Variants in ANK2 observed in about 807,000 individuals in gnomAD.
The protein encoded by ANK2 is ankyrin-2.
In ANK2, 83 loss-of-function variants were observed where a neutral mutation model predicts 360.5. The ratio of observed to expected loss-of-function variants is 0.23; its 90% CI spans 0.19 to 0.28. ANK2 has a LOEUF of 0.28. ANK2 is among the 10% of genes least tolerant of loss of function. ANK2 has a pLI of 1.00. For synonymous variants in ANK2, 1,740 were observed against 1,759.5 expected, an observed-to-expected ratio of 0.99 and a Z score of 0.28; for missense variants, 4,201 against 4,795.7, an observed-to-expected ratio of 0.88 and a Z score of 3.66.
intron 1 of ANK2, among the ~76,000 whole-genome samples, chr4:113,163,737 C>T (rs1583498088): frequency 1.6e-5 from 2 of 122,576 alleles, no homozygotes; most frequent in Admixed American, 1.0e-4. Flanking sequence ...GCACTCCAGC[C>T]TGGGCAACAA....
At chr4:113,233,579 T>C (rs1484075844) in intron 5 of ANK2, among the ~76,000 whole-genome samples, 1 of 152,198 alleles carries the variant, frequency 6.6e-6, no homozygotes, top group Non-Finnish European at 1.5e-5. Flanking sequence ...TCTGGACAAT[T>C]AAGTCTTGAG....
intron 1 of ANK2, among the ~76,000 whole-genome samples, chr4:113,156,237 CT>C (rs1562478899): frequency 1.3e-5 from 2 of 151,904 alleles, no homozygotes; most frequent in Non-Finnish European, 2.9e-5. Context: ...TATAAAATAC[CT>C]TTTTAAACTT....
chr4:113,105,033 G>A (rs1435081217), intron 1 of ANK2, among the ~76,000 whole-genome samples: 2 of 152,044 alleles, frequency 1.3e-5, no homozygotes, highest in Non-Finnish European at 2.9e-5. Flanking sequence ...ATCAGATTGA[G>A]AGGCTAATGT....
intron 24 of ANK2, among the ~76,000 whole-genome samples, chr4:113,315,844 C>T (rs967209571): frequency 6.8e-6 from 1 of 147,108 alleles, no homozygotes; most frequent in Non-Finnish European, 1.5e-5. Flanking sequence ...TTGCACTGAG[C>T]CACGATCGCG....
intron 1 of ANK2, among the ~76,000 whole-genome samples, chr4:113,088,131 A>ATCTATCCAGTGTCCC (rs1231303809): frequency 1.2e-4 from 19 of 152,182 alleles, no homozygotes; most frequent in African/African-American, 4.6e-4. Flanking sequence ...AGGCTGATAA[A>ATCTATCCAGTGTCCC]TTGCTGTGTC....
chr4:112,939,685 T>C (rs957582418), intron 2 of ANK2, among the ~76,000 whole-genome samples: 32 of 152,170 alleles, frequency 2.1e-4, no homozygotes, highest in African/African-American at 7.7e-4. Flanking sequence ...AATTCAAGAA[T>C]TGCAAAAAGG....
chr4:112,973,463 C>G (rs2040306605), intron 2 of ANK2, among the ~76,000 whole-genome samples: 1 of 152,168 alleles, frequency 6.6e-6, no homozygotes, highest in Admixed American at 6.5e-5. Context: ...CTGACTAGTT[C>G]AGCGCTGTTC....
rs956625311 is a variant in ANK2 at position 112,847,698 on chromosome 4, C to T, written c.-40+29434C>T. The stretch of plus-strand genomic sequence containing the variant: ...CCTCCTTTTCCCCCTTAAAATAAAG[C>T]CTATATAAACCCCTTCAATATATAA... On this transcript the variant is annotated intron_variant, in intron 1 of 30. Transcript: ENST00000503271. Among the ~76,000 whole-genome samples the T allele has an allele frequency of 5.3e-5, 8 of 152,096 alleles. No homozygotes were observed. In the South Asian group the frequency reaches 1.7e-3, roughly 32 times the overall value.
At position 112,842,129 on chromosome 4, in the gene ANK2, C is replaced by T. The variant is rs568976032; in HGVS notation, c.-40+23865C>T. Among the ~76,000 whole-genome samples, 4 of 152,182 alleles carry T rather than the reference C, an allele frequency of 2.6e-5. No individual in the cohort carries two copies. The East Asian group carries it at 7.7e-4, about 29-fold the overall frequency. Reference sequence around the variant, plus strand: ...GGTTCAAGTGATTCTCCTGCCTCAGCCTCCCCAGTAGCTGGAATTACAGGC... The same window carrying T: ...GGTTCAAGTGATTCTCCTGCCTCAGTCTCCCCAGTAGCTGGAATTACAGGC... On this transcript the variant is annotated intron_variant, in intron 1 of 30. Coordinates refer to the ANK2 transcript ENST00000503271.
At chr4:113,261,185 A>AT (rs554555819) in intron 13 of ANK2, among the ~76,000 whole-genome samples, 27 of 149,604 alleles carry the variant, frequency 1.8e-4, no homozygotes, top group South Asian at 4.2e-4. Flanking sequence ...ACGTATAGAC[A>AT]TTTTTTTTTT....
intron 2 of ANK2, 55 bp from the exon 3 acceptor site, chr4:113,196,313 G>A: frequency 7.9e-7 from 1 of 1,273,624 alleles, no homozygotes; most frequent in Non-Finnish European, 1.1e-6. Flanking sequence ...TAGGATCAGG[G>A]CACTATTTTC....
upstream of ANK2, among the ~76,000 whole-genome samples, chr4:112,816,795 G>A (rs1231338515): frequency 6.6e-6 from 1 of 152,256 alleles, no homozygotes; most frequent in African/African-American, 2.4e-5. Context: ...TGGATCACCT[G>A]AAGTCAGCAG....
chr4:113,110,469 G>A (rs764115871), intron 1 of ANK2, among the ~76,000 whole-genome samples: 23 of 152,150 alleles, frequency 1.5e-4, no homozygotes, highest in Non-Finnish European at 2.9e-4. Flanking sequence ...ACAGGTGCAA[G>A]CATATCTTAT....
chr4:112,990,976 G>T (rs1019850305), intron 2 of ANK2, among the ~76,000 whole-genome samples: 1 of 152,124 alleles, frequency 6.6e-6, no homozygotes, highest in Non-Finnish European at 1.5e-5. Flanking sequence ...ATTGGGCAAG[G>T]CTCAGTGGTT....
chr4:112,825,649 AT>A (rs2058267451), intron 1 of ANK2, among the ~76,000 whole-genome samples: 1 of 152,244 alleles, frequency 6.6e-6, no homozygotes, highest in South Asian at 2.1e-4. Context: ...CAAAAGACAG[AT>A]TAACCAGAGA....
Position 113,168,284 on chromosome 4 carries a change from A to T in ANK2, c.85-6132A>T, listed in dbSNP as rs112895186. The stretch of plus-strand genomic sequence containing the variant: ...AATTTATCTGTTTAGTTAAACTTAG[A>T]TATTGTTATGATTCCAATTCTCAAT... On this transcript the variant is annotated intron_variant, in intron 1 of 45. Coordinates refer to ENST00000357077, the MANE Select transcript of ANK2 (RefSeq NM_001148.6). 2.7e-3 allele frequency among the ~76,000 whole-genome samples: 407 copies of T among 152,350 alleles called. 1 individual carries two copies. Among genetic ancestry groups the T allele is most frequent in the African/African-American group, 9.5e-3 (394 of 41,592 alleles).
intron 4 of ANK2, among the ~76,000 whole-genome samples, chr4:113,217,342 T>C (rs2099096211): frequency 6.6e-6 from 1 of 152,202 alleles, no homozygotes; most frequent in South Asian, 2.1e-4. Context: ...CTAAAGTTTG[T>C]TCGGGGTTGC....
At chr4:113,221,944 T>C (rs2099156759) in intron 4 of ANK2, among the ~76,000 whole-genome samples, 1 of 152,230 alleles carries the variant, frequency 6.6e-6, no homozygotes, top group Non-Finnish European at 1.5e-5. Context: ...TGGAATTTGC[T>C]GTTAAAACAC....
intron 2 of ANK2, among the ~76,000 whole-genome samples, chr4:112,986,714 G>A (rs1269199308): frequency 6.6e-6 from 1 of 152,164 alleles, no homozygotes; most frequent in Non-Finnish European, 1.5e-5. Context: ...TGCATTTCCA[G>A]TATTTTAGAT....
Sources: gnomAD v4.1 joint callset for allele counts (sites outside exome capture counted in the v4.1 genomes callset) on GRCh38, gnomAD v4.1.1 for gene constraint, MANE v1.5 for transcripts, NCBI Gene and HGNC (gene_info 2026-07-23, HGNC 2026-07-21) for gene names.